The following LRSAM1 variants were observed in gnomAD, a reference collection of about 807,000 sequenced individuals.
LRSAM1 encodes E3 ubiquitin-protein ligase LRSAM1.
In LRSAM1, 96 loss-of-function variants were observed where a neutral mutation model predicts 118.1. That is an observed-to-expected ratio of 0.81 (90% CI 0.69 to 0.96). The LOEUF (loss-of-function observed/expected upper bound fraction) is 0.96, where lower values mean the gene tolerates loss of function less well. LRSAM1 is among the 40% of genes least tolerant of loss of function. The probability of loss-of-function intolerance (pLI) is 0.00; values close to 1 mark genes in which losing one functional copy is unlikely to be tolerated. For missense variants in LRSAM1, 804 were observed against 915.5 expected, an observed-to-expected ratio of 0.88 and a Z score of 1.57; for synonymous variants, 322 against 364.2, an observed-to-expected ratio of 0.88 and a Z score of 1.32.
chr9:127,486,124 G>C (rs1054269519), intron 17 of LRSAM1, among the ~76,000 whole-genome samples: 1 of 152,346 alleles, frequency 6.6e-6, no homozygotes, highest in Non-Finnish European at 1.5e-5. Context: ...ATTCTAGGAG[G>C]GACTGTATTG....
Position 127,502,830 on chromosome 9 carries a change from G to A in LRSAM1, c.2103G>A (p.Gln701=), listed in dbSNP as rs777789178. ...GHVCCCQQCC[Q]PLRTCPLCRQ... ...TCTGCTGCTGCCAGCAGTGCTGCCAGCCACTGCGCACCTGCCCGCTGTGCC... is the reference window on the plus strand; with the variant it reads ...TCTGCTGCTGCCAGCAGTGCTGCCAACCACTGCGCACCTGCCCGCTGTGCC... Residue 701 remains glutamine (Q), a synonymous_variant, in exon 26 of 26, where the codon CAG becomes CAA. Coordinates refer to ENST00000300417, the MANE Select transcript of LRSAM1 (RefSeq NM_001005373.4). The A allele has an allele frequency of 3.1e-6, 5 of 1,612,254 alleles. No homozygotes were observed. The highest frequency in any genetic ancestry group is 2.2e-5 in the South Asian group (2 of 90,970).
chr9:127,485,286 G>T (rs1218039972), intron 16 of LRSAM1, among the ~76,000 whole-genome samples: 1 of 152,116 alleles, frequency 6.6e-6, no homozygotes, highest in Admixed American at 6.5e-5. Context: ...CAGGCCGGGC[G>T]CAGTGGCTCA....
intron 23 of LRSAM1, among the ~76,000 whole-genome samples, chr9:127,496,351 G>A (rs987074017): frequency 6.6e-6 from 1 of 152,210 alleles, no homozygotes; most frequent in African/African-American, 2.4e-5. Context: ...CTTCAGACTG[G>A]AGGGACAAGA....
chr9:127,500,846 AAGAG>A (rs950288698), intron 24 of LRSAM1, among the ~76,000 whole-genome samples, 160 bp from the exon 25 acceptor site: 1 of 149,888 alleles, frequency 6.7e-6, no homozygotes, highest in African/African-American at 2.4e-5. Flanking sequence ...AGAAGAGAAG[AAGAG>A]AGTGTGTGGC....
chr9:127,499,774 G>T (rs1034075682), intron 24 of LRSAM1, among the ~76,000 whole-genome samples: 2 of 151,752 alleles, frequency 1.3e-5, no homozygotes, highest in African/African-American at 4.8e-5. Flanking sequence ...ACTAAAATTA[G>T]CTGGGCACAG....
intron 14 of LRSAM1, 51 bp from the exon 15 acceptor site, chr9:127,481,132 G>A: frequency 6.2e-7 from 1 of 1,607,346 alleles, no homozygotes; most frequent in Non-Finnish European, 8.5e-7. Flanking sequence ...CAGTGAGACA[G>A]GAAACAGGCC....
intron 16 of LRSAM1, among the ~76,000 whole-genome samples, chr9:127,485,430 G>A (rs958315846): frequency 5.3e-5 from 8 of 152,034 alleles, no homozygotes; most frequent in Non-Finnish European, 8.8e-5. Context: ...GGTGGCAGGC[G>A]TCTGTAGTCC....
rs1040240958 is a variant in LRSAM1, at chr9:127,465,942, G to T, written c.529-1798G>T. On this transcript the variant is annotated intron_variant, in intron 9 of 25. Coordinates refer to ENST00000300417, the MANE Select transcript of LRSAM1 (RefSeq NM_001005373.4). The surrounding 1 kb of genome is among the most constrained non-coding windows in gnomAD (Gnocchi z 4.1). ...AACACGGAGGCATCTGCATGTGTGC[G>T]CTGATAAACATTTGTCATTACATAA... 2.0e-5 allele frequency among the ~76,000 whole-genome samples: 3 copies of T among 152,130 alleles called. No individual in the cohort carries two copies. The highest frequency in any genetic ancestry group is 4.4e-5 in the Non-Finnish European group (3 of 68,034).
chr9:127,467,707 G>A (rs767746171), intron 9 of LRSAM1, 33 bp from the exon 10 acceptor site: 13 of 1,588,990 alleles, frequency 8.2e-6, no homozygotes, highest in East Asian at 4.5e-5. Flanking sequence ...CGTTGGTAGC[G>A]AACAGTAAAG....
chr9:127,459,262 G>T (rs891076710), intron 7 of LRSAM1, among the ~76,000 whole-genome samples, 191 bp downstream of exon 7: 6 of 151,094 alleles, frequency 4.0e-5, no homozygotes, highest in Admixed American at 2.6e-4. Context: ...CGTTGCCCAG[G>T]CTGGGGTGCA....
chr9:127,478,052 CAAAA>C (rs368060643), intron 11 of LRSAM1, among the ~76,000 whole-genome samples: 4 of 72,264 alleles, frequency 5.5e-5, no homozygotes, highest in Admixed American at 2.8e-4. Flanking sequence ...AACTCCGTCT[CAAAA>C]AAAAAAAAAA....
chr9:127,467,832 T>G lies in LRSAM1; in HGVS notation c.619+2T>G. On this transcript the variant is annotated splice_donor_variant, in intron 10 of 25. Transcript: ENST00000300417. LOFTEE classifies it high-confidence loss of function. ...CCATCTTGCAGTTCCTCTGCAAAGG[T>G]AAAGCCAGGCCGCTGCCTCCTCCCC... is the stretch of plus-strand genomic sequence containing the variant. The G allele has an allele frequency of 6.3e-7, 1 of 1,585,396 alleles. No individual in the cohort carries two copies. Among genetic ancestry groups the G allele is most frequent in the Non-Finnish European group, 8.6e-7 (1 of 1,168,072 alleles).
In LRSAM1 at chr9:127,479,979, G is replaced by A. The variant is rs373571535; in HGVS notation, c.1043+1G>A. 6.2e-7 allele frequency: 1 copy of A among 1,614,220 alleles called. No individual in the cohort carries two copies. The highest frequency in any genetic ancestry group is 8.5e-7 in the Non-Finnish European group (1 of 1,180,046). On this transcript the variant is annotated splice_donor_variant, in intron 14 of 25. Coordinates refer to ENST00000300417, the MANE Select transcript of LRSAM1 (RefSeq NM_001005373.4). LOFTEE classifies it high-confidence loss of function. Reference sequence around the variant, plus strand: ...AGAAGCTGCTGCAGGACAATCAGAGGTTGGGCTCTGCTCCTCGGCCCCAGC... The same window carrying A: ...AGAAGCTGCTGCAGGACAATCAGAGATTGGGCTCTGCTCCTCGGCCCCAGC...
At chr9:127,471,815 A>C (rs1440984706) in intron 10 of LRSAM1, among the ~76,000 whole-genome samples, 1 of 151,838 alleles carries the variant, frequency 6.6e-6, no homozygotes, top group Non-Finnish European at 1.5e-5. Context: ...ACAATTAGCC[A>C]CCACGCCTGG....
intron 25 of LRSAM1, among the ~76,000 whole-genome samples, chr9:127,502,214 A>G (rs563761880): frequency 1.7e-4 from 26 of 152,254 alleles, no homozygotes; most frequent in Non-Finnish European, 2.2e-4. Flanking sequence ...TTATTTAAGA[A>G]AGAATCAGTT....
chr9:127,488,120 T>G (rs1414470234), intron 18 of LRSAM1, among the ~76,000 whole-genome samples: 1 of 152,152 alleles, frequency 6.6e-6, no homozygotes, highest in Non-Finnish European at 1.5e-5. Context: ...TGGCCTCTTC[T>G]CATGTCCAGA....
chr9:127,491,376 C>G (rs922242572), intron 20 of LRSAM1, 81 bp downstream of exon 20: 108 of 1,116,586 alleles, frequency 9.7e-5, no homozygotes, highest in Admixed American at 2.4e-4. Flanking sequence ...CTGGCAGCTG[C>G]TCACCAGCCC....
intron 5 of LRSAM1, among the ~76,000 whole-genome samples, chr9:127,456,162 C>CAAAA (rs34459766): frequency 1.1e-5 from 1 of 94,774 alleles, no homozygotes; most frequent in East Asian, 3.4e-4. Flanking sequence ...TGAGAATATG[C>CAAAA]AAAAAAAAAA....
chr9:127,459,806 G>T (rs555056669), intron 7 of LRSAM1, among the ~76,000 whole-genome samples: 1 of 151,374 alleles, frequency 6.6e-6, no homozygotes, highest in African/African-American at 2.4e-5. Context: ...TGATCCACCC[G>T]TCTTGGCCTC....
Sources: gnomAD v4.1 joint callset for allele counts (sites outside exome capture counted in the v4.1 genomes callset) on GRCh38, gnomAD v4.1.1 for gene constraint, Gnocchi (gnomAD v3.1) non-coding constraint, MANE v1.5 for transcripts, NCBI Gene and HGNC (gene_info 2026-07-23, HGNC 2026-07-21) for gene names.